CNTN4: variants seen among roughly 807,000 people sequenced by gnomAD.
The protein encoded by CNTN4 is contactin-4.
Under a neutral mutation model 122.5 loss-of-function variants are expected in CNTN4, and 77 were observed. That is an observed-to-expected ratio of 0.63 (90% CI 0.52 to 0.76). The LOEUF (loss-of-function observed/expected upper bound fraction) is 0.76, where lower values mean the gene tolerates loss of function less well. Among genes scored for constraint, CNTN4 ranks in the 30% least tolerant of loss-of-function variants. The pLI is 0.00. For synonymous variants in CNTN4, 512 were observed against 447.0 expected (o/e 1.15, Z -1.83); for missense variants, 1,256 against 1,259.1 (o/e 1.00, Z 0.04).
intron 2 of CNTN4, among the ~76,000 whole-genome samples, chr3:2,139,567 G>A (rs1162182414): frequency 6.6e-6 from 1 of 152,190 alleles, no homozygotes; most frequent in Non-Finnish European, 1.5e-5. Context: ...TATTGAAACT[G>A]CCAACTACCT....
chr3:2,568,373 T>C lies in CNTN4; in HGVS notation c.-88-3043T>C, dbSNP rs977955117. The stretch of plus-strand genomic sequence containing the variant: ...GTACAATTCTCAGTTATTCATCTCC[T>C]CCTGGCTCAATGAGAGAAAGCAATC... On this transcript the variant is annotated intron_variant, in intron 3 of 24. Coordinates refer to ENST00000418658, the MANE Select transcript of CNTN4 (RefSeq NM_175607.3). 2.1e-5 allele frequency among the ~76,000 whole-genome samples: 3 copies of C among 143,866 alleles called. No homozygotes were observed. The Admixed American group carries it at 2.1e-4, about 10-fold the overall frequency. 94.4% of individuals were successfully genotyped at this position (143,866 alleles called of 152,430 possible).
At chr3:2,107,296 C>G (rs1265144280) in intron 2 of CNTN4, among the ~76,000 whole-genome samples, 1 of 152,066 alleles carries the variant, frequency 6.6e-6, no homozygotes, top group East Asian at 1.9e-4. Flanking sequence ...AAAGAACTAC[C>G]CAAGACTGGG....
intron 7 of CNTN4, among the ~76,000 whole-genome samples, chr3:2,845,483 G>T (rs1030199770): frequency 1.3e-5 from 2 of 151,962 alleles, no homozygotes; most frequent in Admixed American, 1.3e-4. Context: ...TATATGTTAT[G>T]ATAAATTTCA....
chr3:2,324,369 A>T lies in CNTN4; in HGVS notation c.-144-14809A>T, dbSNP rs577107432. On this transcript the variant is annotated intron_variant, in intron 2 of 24. Coordinates refer to ENST00000418658, the MANE Select transcript of CNTN4 (RefSeq NM_175607.3). ...ACTCACACTCATACTTTTGTTCTACATAACATATATATTGTGTAGTATGAA... is the reference window on the plus strand; with the variant it reads ...ACTCACACTCATACTTTTGTTCTACTTAACATATATATTGTGTAGTATGAA... Among the ~76,000 whole-genome samples, 70 of 152,300 alleles carry T rather than the reference A, an allele frequency of 4.6e-4. 2 individuals are homozygous for T. The highest frequency in any genetic ancestry group is 1.6e-3 in the African/African-American group (68 of 41,562).
chr3:2,902,163 T>C lies in CNTN4; in HGVS notation c.1078-713T>C, dbSNP rs1053833740. On this transcript the variant is annotated intron_variant, in intron 11 of 24. Transcript: ENST00000418658. ...CAGAAAACTAGTACCTCTTTATATA[T>C]ATGTAGAATGGCAGGTCTCCTGGAG... Among the ~76,000 whole-genome samples, 7 of 152,138 alleles carry C rather than the reference T, an allele frequency of 4.6e-5. No individual in the cohort carries two copies. In the South Asian group the frequency reaches 8.3e-4, roughly 18 times the overall value.
intron 3 of CNTN4, among the ~76,000 whole-genome samples, chr3:2,514,331 G>A (rs933272663): frequency 6.6e-6 from 1 of 152,056 alleles, no homozygotes; most frequent in Non-Finnish European, 1.5e-5. Context: ...CTGTCTCTAT[G>A]ATGACAAGTT....
intron 3 of CNTN4, among the ~76,000 whole-genome samples, chr3:2,470,310 C>T (rs1465425360): frequency 6.6e-6 from 1 of 152,068 alleles, no homozygotes; most frequent in Non-Finnish European, 1.5e-5. Context: ...CTCCTGACCT[C>T]ATGATTCACC....
At chr3:2,668,763 T>G (rs1164991849) in intron 4 of CNTN4, among the ~76,000 whole-genome samples, 2 of 152,204 alleles carry the variant, frequency 1.3e-5, no homozygotes, top group Non-Finnish European at 2.9e-5. Flanking sequence ...TTGAGATACA[T>G]CCCATCAATA....
chr3:2,543,884 G>A (rs528738414), intron 3 of CNTN4, among the ~76,000 whole-genome samples: 2 of 152,168 alleles, frequency 1.3e-5, no homozygotes, highest in South Asian at 4.1e-4. Context: ...TTTCCACACA[G>A]TGGACTTTTA....
At chr3:2,951,357 C>T (rs1280648073) in intron 13 of CNTN4, among the ~76,000 whole-genome samples, 1 of 152,138 alleles carries the variant, frequency 6.6e-6, no homozygotes, top group Non-Finnish European at 1.5e-5. Flanking sequence ...CTCAAATGCA[C>T]AGTTCACAAT....
intron 13 of CNTN4, among the ~76,000 whole-genome samples, chr3:2,959,659 T>G (rs2094833741): frequency 6.8e-6 from 1 of 147,920 alleles, no homozygotes; most frequent in African/African-American, 2.5e-5. Flanking sequence ...TCATACTAAA[T>G]TTTTAAGTGA....
chr3:2,637,767 C>T (rs763742641), intron 4 of CNTN4, among the ~76,000 whole-genome samples: 2 of 152,146 alleles, frequency 1.3e-5, no homozygotes, highest in Non-Finnish European at 2.9e-5. Context: ...CCTCTGATGT[C>T]CCTCTAGATC....
At chr3:2,917,548 G>A (rs1319571926) in intron 12 of CNTN4, among the ~76,000 whole-genome samples, 1 of 152,022 alleles carries the variant, frequency 6.6e-6, no homozygotes, top group East Asian at 1.9e-4. Flanking sequence ...TCTGCTCTAG[G>A]GATCACATTT....
At chr3:2,287,248 A>G (rs2041933857) in intron 2 of CNTN4, among the ~76,000 whole-genome samples, 1 of 152,252 alleles carries the variant, frequency 6.6e-6, no homozygotes, top group East Asian at 1.9e-4. Flanking sequence ...ATGCGTGAAA[A>G]ATATGCTAGT....
chr3:2,576,750 G>A (rs548477810), intron 4 of CNTN4, among the ~76,000 whole-genome samples: 1 of 152,216 alleles, frequency 6.6e-6, no homozygotes, highest in East Asian at 1.9e-4. Context: ...GTTTTGCCAT[G>A]TGGGCCAGGC....
At chr3:3,039,766 TC>T in intron 19 of CNTN4, 1 of 420,872 alleles carries the variant, frequency 2.4e-6, no homozygotes, top group Non-Finnish European at 4.4e-6. Flanking sequence ...TTTTTTACAA[TC>T]ATTTCCAACC....
chr3:2,858,202 C>T (rs867886944), intron 7 of CNTN4, among the ~76,000 whole-genome samples: 37 of 152,218 alleles, frequency 2.4e-4, no homozygotes, highest in African/African-American at 8.2e-4. Context: ...GTCTTCAGGC[C>T]GACAGCATCA....
chr3:2,310,972 C>T (rs1036919122), intron 2 of CNTN4, among the ~76,000 whole-genome samples: 5 of 152,036 alleles, frequency 3.3e-5, no homozygotes, highest in Non-Finnish European at 2.9e-5. Flanking sequence ...CAAAAAGACT[C>T]CCTTGACTTT....
chr3:2,756,865 G>C (rs986517486), intron 6 of CNTN4, among the ~76,000 whole-genome samples: 4 of 152,058 alleles, frequency 2.6e-5, no homozygotes, highest in African/African-American at 9.7e-5. Context: ...CTTGATTTCG[G>C]GTATCTAGCT....
Sources: gnomAD v4.1 joint callset for allele counts (sites outside exome capture counted in the v4.1 genomes callset) on GRCh38, gnomAD v4.1.1 for gene constraint, MANE v1.5 for transcripts, NCBI Gene and HGNC (gene_info 2026-07-23, HGNC 2026-07-21) for gene names.